PCDHA12: variants seen among roughly 807,000 people sequenced by gnomAD.
PCDHA12 encodes the protein protocadherin alpha-12.
In PCDHA12, 44 loss-of-function variants were observed where a neutral mutation model predicts 60.0. The ratio of observed to expected loss-of-function variants is 0.73; its 90% CI spans 0.58 to 0.94. The LOEUF is 0.94. PCDHA12 is among the 40% of genes least tolerant of loss of function. The pLI, the probability that PCDHA12 is intolerant of heterozygous loss-of-function variation, is 0.00. For missense variants in PCDHA12, 1,276 were observed against 1,239.7 expected, an observed-to-expected ratio of 1.03 and a Z score of -0.44; for synonymous variants, 569 against 553.0, an observed-to-expected ratio of 1.03 and a Z score of -0.40.
chr5:140,922,342 A>G (rs1256854965), intron 1 of PCDHA12, among the ~76,000 whole-genome samples: 2 of 152,184 alleles, frequency 1.3e-5, no homozygotes, highest in East Asian at 3.8e-4. Flanking sequence ...GTATATTGGT[A>G]TTTTCTAGAG....
chr5:140,933,503 AAAGACT>A (rs2089194435), intron 1 of PCDHA12, among the ~76,000 whole-genome samples: 1 of 152,098 alleles, frequency 6.6e-6, no homozygotes, highest in Non-Finnish European at 1.5e-5. Flanking sequence ...ATTGTTAAGC[AAAGACT>A]ACAGCTGTTT....
intron 1 of PCDHA12, among the ~76,000 whole-genome samples, chr5:140,971,092 G>A (rs1263264725): frequency 2.0e-5 from 3 of 152,168 alleles, no homozygotes; most frequent in Non-Finnish European, 4.4e-5. Flanking sequence ...ACAAATTCTT[G>A]TGAAGCCCTT....
chr5:141,004,627 T>C lies in PCDHA12; in HGVS notation c.2516-5000T>C, dbSNP rs538896289. On this transcript the variant is annotated intron_variant, in intron 3 of 3. Transcript: ENST00000398631. ...GCCTCATGCAGAGTCCTGGTTATGG[T>C]TGAAGAAAAATTTCCATTTTGGGCT... 3.9e-5 allele frequency among the ~76,000 whole-genome samples: 6 copies of C among 152,330 alleles called. No individual in the cohort carries two copies. The East Asian group carries it at 1.2e-3, about 29-fold the overall frequency.
chr5:140,886,697 G>A (rs1230801248), intron 1 of PCDHA12, among the ~76,000 whole-genome samples: 4 of 151,750 alleles, frequency 2.6e-5, no homozygotes. Context: ...ATGGTGGCAC[G>A]CGCCTGTAAT....
intron 1 of PCDHA12, among the ~76,000 whole-genome samples, chr5:140,911,235 A>G (rs1426271043): frequency 1.3e-5 from 2 of 152,146 alleles, no homozygotes; most frequent in Non-Finnish European, 2.9e-5. Flanking sequence ...TTCTTCTGGC[A>G]AAAAAAGTTT....
chr5:141,003,057 TCCA>T (rs2098109750), intron 3 of PCDHA12, among the ~76,000 whole-genome samples: 1 of 152,194 alleles, frequency 6.6e-6, no homozygotes, highest in African/African-American at 2.4e-5. Context: ...ACAGAACAGT[TCCA>T]AATGCAGATG....
At chr5:140,967,001 A>G (rs1048933252) in intron 1 of PCDHA12, 5 of 1,605,060 alleles carry the variant, frequency 3.1e-6, no homozygotes, top group East Asian at 2.2e-5. Flanking sequence ...TTGCTTGCGC[A>G]TCAACCATCT....
chr5:140,937,560 T>A (rs933672983), intron 1 of PCDHA12, among the ~76,000 whole-genome samples: 1 of 152,060 alleles, frequency 6.6e-6, no homozygotes, highest in Non-Finnish European at 1.5e-5. Flanking sequence ...GAGGTTGCAG[T>A]GAGCTGGGAT....
Position 140,996,044 on chromosome 5 carries a change from A to G in PCDHA12, c.2515+13481A>G, listed in dbSNP as rs569475149. Among the ~76,000 whole-genome samples, 13 of 152,366 alleles carry G rather than the reference A, an allele frequency of 8.5e-5. No homozygotes were observed. The South Asian group carries it at 1.9e-3, about 22-fold the overall frequency. Reference sequence around the variant, plus strand: ...GTTTAATGCTCCTAGCACTTAACACAGTGCTTGGCACACAGTAAAGAGGAT... The same window carrying G: ...GTTTAATGCTCCTAGCACTTAACACGGTGCTTGGCACACAGTAAAGAGGAT... On this transcript the variant is annotated intron_variant, in intron 3 of 3. Coordinates refer to ENST00000398631, the MANE Select transcript of PCDHA12 (RefSeq NM_018903.4).
At position 141,010,067 on chromosome 5, in the gene PCDHA12, G is replaced by C; in HGVS notation, c.*130G>C. 6.2e-7 allele frequency: 1 copy of C among 1,604,516 alleles called. No homozygotes were observed. The highest frequency in any genetic ancestry group is 1.1e-5 in the South Asian group (1 of 89,502). ...TAGAGACCTCAGAAATCTGCAGAAA[G>C]TTCCCTGTGTCTGTCTAGAACGCAT... On this transcript the variant is annotated 3_prime_UTR_variant, in exon 4 of 4. Coordinates refer to ENST00000398631, the MANE Select transcript of PCDHA12 (RefSeq NM_018903.4).
At chr5:140,968,310 G>T (rs2096237719) in intron 1 of PCDHA12, 4 of 1,613,920 alleles carry the variant, frequency 2.5e-6, no homozygotes, top group Non-Finnish European at 3.4e-6. Flanking sequence ...GAGATTCAAG[G>T]GCTGCCAGTC....
rs781815387 is a variant in PCDHA12, at chr5:140,978,983, C to A, written c.2402C>A (p.Ala801Asp). The part of the protein sequence containing the change: ...RQPNPDWRYS[A>D]SLRAGMHSSV... Reference sequence around the variant, plus strand: ...CCCAACCCTGACTGGCGTTACTCTGCCTCCCTGAGAGCAGGCATGCACAGG... The same window carrying A: ...CCCAACCCTGACTGGCGTTACTCTGACTCCCTGAGAGCAGGCATGCACAGG... Residue 801 changes from alanine (A) to aspartate (D), a missense_variant, in exon 2 of 4, where the codon GCC (alanine) becomes GAC (aspartate). By Grantham distance (126) the Ala-to-Asp change is moderately radical. Transcript: ENST00000398631. 1.6e-5 allele frequency: 26 copies of A among 1,614,142 alleles called. No homozygotes were observed. Among genetic ancestry groups the A allele is most frequent in the Non-Finnish European group, 2.2e-5 (26 of 1,180,024 alleles).
At chr5:141,007,706 C>T (rs1269578685) in intron 3 of PCDHA12, among the ~76,000 whole-genome samples, 1 of 152,218 alleles carries the variant, frequency 6.6e-6, no homozygotes, top group Non-Finnish European at 1.5e-5. Flanking sequence ...TCCTCTGCCT[C>T]CCACCACCAG....
At chr5:140,927,054 C>CT in intron 1 of PCDHA12, 1 of 1,611,076 alleles carries the variant, frequency 6.2e-7, no homozygotes, top group African/African-American at 1.3e-5. Context: ...CCTCGCGGAA[C>CT]TTTCGCTTCC....
At chr5:140,982,218 G>A (rs1054533925) in intron 2 of PCDHA12, 11 of 523,574 alleles carry the variant, frequency 2.1e-5, no homozygotes, top group African/African-American at 7.7e-5. Context: ...GCCACATGGC[G>A]TTAATAAAAA....
intron 1 of PCDHA12, among the ~76,000 whole-genome samples, chr5:140,975,784 A>T (rs1216156931): frequency 1.3e-5 from 2 of 151,914 alleles, no homozygotes; most frequent in African/African-American, 4.8e-5. Flanking sequence ...CCATTACAAG[A>T]TAAATTAAAT....
chr5:140,898,407 C>T (rs556061781), intron 1 of PCDHA12, among the ~76,000 whole-genome samples: 90 of 152,094 alleles, frequency 5.9e-4, no homozygotes, highest in Middle Eastern at 3.4e-3. Flanking sequence ...TTTCTACATA[C>T]GGCTAGCCAG....
chr5:140,943,006 C>G (rs1314561126), intron 1 of PCDHA12, among the ~76,000 whole-genome samples: 1 of 151,932 alleles, frequency 6.6e-6, no homozygotes, highest in East Asian at 1.9e-4. Context: ...CCTGTAATCC[C>G]AGCACTTTGG....
chr5:140,999,673 T>G (rs2097868835), intron 3 of PCDHA12, among the ~76,000 whole-genome samples: 1 of 152,050 alleles, frequency 6.6e-6, no homozygotes, highest in Non-Finnish European at 1.5e-5. Context: ...TGCGGGGGGC[T>G]CACAGAAAGA....
Sources: allele counts gnomAD v4.1 joint callset (sites outside exome capture counted in the v4.1 genomes callset), GRCh38; gene constraint gnomAD v4.1.1; transcripts MANE v1.5; gene names NCBI Gene and HGNC (gene_info 2026-07-23, HGNC 2026-07-21).